Variants in DCC observed in about 807,000 individuals in gnomAD.
DCC encodes DCC netrin 1 receptor, also known as netrin receptor DCC.
DCC carries 58 observed loss-of-function variants against 172.5 expected under a neutral mutation model. The observed-to-expected ratio is 0.34, with a 90% CI of 0.27 to 0.42. DCC has a LOEUF of 0.42. DCC is among the 10% of genes least tolerant of loss of function. The probability of loss-of-function intolerance (pLI) is 1.00; values close to 1 mark genes in which losing one functional copy is unlikely to be tolerated. For synonymous variants in DCC, 709 were observed against 644.5 expected (o/e 1.10, Z -1.52); for missense variants, 1,740 against 1,791.0 (o/e 0.97, Z 0.51).
intron 15 of DCC, among the ~76,000 whole-genome samples, chr18:53,343,319 G>C (rs1470809301): frequency 6.6e-6 from 1 of 151,914 alleles, no homozygotes; most frequent in African/African-American, 2.4e-5. Flanking sequence ...AGCCTTTTGT[G>C]AGATTAAAGA....
chr18:53,331,972 A>G (rs1228683163), intron 14 of DCC, among the ~76,000 whole-genome samples: 1 of 152,198 alleles, frequency 6.6e-6, no homozygotes, highest in African/African-American at 2.4e-5. Context: ...AGGCAAGTGT[A>G]CAAAGGTGCA....
intron 1 of DCC, among the ~76,000 whole-genome samples, chr18:52,524,250 A>G (rs1476077878): frequency 6.6e-6 from 1 of 152,234 alleles, no homozygotes; most frequent in Non-Finnish European, 1.5e-5. Flanking sequence ...CTTCAATAGT[A>G]TGTTTCTCTC....
chr18:53,279,011 A>G (rs10084042), intron 12 of DCC, among the ~76,000 whole-genome samples: 2 of 152,174 alleles, frequency 1.3e-5, no homozygotes, highest in African/African-American at 4.8e-5. Flanking sequence ...TGGTTGAACT[A>G]GTTTACAGTC....
intron 12 of DCC, among the ~76,000 whole-genome samples, chr18:53,223,152 A>T (rs1164155214): frequency 2.0e-5 from 3 of 152,120 alleles, no homozygotes; most frequent in Non-Finnish European, 4.4e-5. Flanking sequence ...ATTTTTATTA[A>T]TGTAAATAGG....
rs9959258 is a variant in DCC, at chr18:52,515,844, A to G, written c.91+174966A>G. On this transcript the variant is annotated intron_variant, in intron 1 of 28. Transcript: ENST00000442544. Reference sequence around the variant, plus strand: ...GACTAGGAGAAAATGTTTTCAAACCACATCTCTGAAAAAGAACTACTATGT... The same window carrying G: ...GACTAGGAGAAAATGTTTTCAAACCGCATCTCTGAAAAAGAACTACTATGT... Among the ~76,000 whole-genome samples the G allele has an allele frequency of 8.3e-3, 1,243 of 150,336 alleles. 24 individuals are homozygous for G. The highest frequency in any genetic ancestry group is 0.029 in the African/African-American group (1,194 of 41,076).
chr18:52,833,153 A>T (rs2038646976), intron 2 of DCC, among the ~76,000 whole-genome samples: 1 of 152,138 alleles, frequency 6.6e-6, no homozygotes, highest in Admixed American at 6.5e-5. Context: ...CATATCTTCC[A>T]CATGCACCTA....
intron 2 of DCC, among the ~76,000 whole-genome samples, chr18:52,771,134 A>G (rs1183930583): frequency 6.6e-6 from 1 of 152,200 alleles, no homozygotes; most frequent in Non-Finnish European, 1.5e-5. Context: ...ACTCAGTGTC[A>G]TCTGAGCAAA....
chr18:52,611,396 C>T (rs1054565994), intron 1 of DCC, among the ~76,000 whole-genome samples: 3 of 152,174 alleles, frequency 2.0e-5, no homozygotes, highest in Non-Finnish European at 2.9e-5. Context: ...TATACACTCT[C>T]ACACATGTTT....
rs374106414 is a variant in DCC, at chr18:52,563,842, G to T, written c.92-188212G>T. On this transcript the variant is annotated intron_variant, in intron 1 of 28. Coordinates refer to ENST00000442544, the MANE Select transcript of DCC (RefSeq NM_005215.4). ...TTAGCACATCTAATTGAAATCTGTT[G>T]TCTGTCATTTGGCCAAAGCCAGGAA... 2.0e-3 allele frequency among the ~76,000 whole-genome samples: 297 copies of T among 152,164 alleles called. 2 individuals are homozygous for T. The highest frequency in any genetic ancestry group is 6.9e-3 in the African/African-American group (288 of 41,524).
At chr18:52,869,589 C>G (rs1241867207) in intron 2 of DCC, among the ~76,000 whole-genome samples, 1 of 152,220 alleles carries the variant, frequency 6.6e-6, no homozygotes, top group Non-Finnish European at 1.5e-5. Flanking sequence ...AGGAGCCTGT[C>G]TGCCTCCTGC....
At chr18:53,477,277 G>A (rs2045776995) in intron 25 of DCC, among the ~76,000 whole-genome samples, 1 of 152,124 alleles carries the variant, frequency 6.6e-6, no homozygotes, top group Non-Finnish European at 1.5e-5. Context: ...CCAAAGTGTT[G>A]GGAGTACAGG....
intron 5 of DCC, among the ~76,000 whole-genome samples, chr18:52,945,730 GC>G (rs1212712538): frequency 2.6e-5 from 4 of 151,936 alleles, no homozygotes; most frequent in East Asian, 3.9e-4. Flanking sequence ...CAGTGCACAA[GC>G]TGACACAGCC....
chr18:52,936,216 T>C (rs2040380647), intron 5 of DCC, among the ~76,000 whole-genome samples: 1 of 57,160 alleles, frequency 1.7e-5, no homozygotes, highest in African/African-American at 5.3e-5. Flanking sequence ...GAAACTCTGG[T>C]TGTCAAAAGG....
intron 24 of DCC, among the ~76,000 whole-genome samples, chr18:53,460,816 A>T (rs2045549116): frequency 6.6e-6 from 1 of 152,190 alleles, no homozygotes; most frequent in South Asian, 2.1e-4. Context: ...TGCCTGGGTC[A>T]AATGGTATTT....
At chr18:53,425,355 C>CTTTTTTTTT (rs1338640000) in intron 21 of DCC, among the ~76,000 whole-genome samples, 7 of 86,552 alleles carry the variant, frequency 8.1e-5, no homozygotes, top group East Asian at 2.9e-4. Context: ...CGTTTCTCCT[C>CTTTTTTTTT]TCTTTTTTTT....
At chr18:52,883,954 A>G (rs1412324585) in intron 2 of DCC, among the ~76,000 whole-genome samples, 2 of 151,354 alleles carry the variant, frequency 1.3e-5, no homozygotes, top group Non-Finnish European at 2.9e-5. Context: ...TCTTGCTTGA[A>G]ATATATTTTC....
At chr18:52,759,094 T>C (rs2037119308) in intron 2 of DCC, 1 of 152,180 alleles carries the variant, frequency 6.6e-6, no homozygotes, top group East Asian at 1.9e-4. Context: ...TATAAGTAAC[T>C]GTTATATGTT....
intron 1 of DCC, among the ~76,000 whole-genome samples, chr18:52,377,906 G>C (rs898384449): frequency 6.6e-6 from 1 of 151,928 alleles, no homozygotes; most frequent in African/African-American, 2.4e-5. Flanking sequence ...TGACATGTTG[G>C]CCAGGCTGGT....
chr18:53,342,480 A>G (rs989827637), intron 15 of DCC, among the ~76,000 whole-genome samples: 1 of 151,662 alleles, frequency 6.6e-6, no homozygotes, highest in Admixed American at 6.6e-5. Flanking sequence ...CAATTTATCT[A>G]TCTTTATATC....
Sources: gnomAD v4.1 joint callset for allele counts (sites outside exome capture counted in the v4.1 genomes callset) on GRCh38, gnomAD v4.1.1 for gene constraint, MANE v1.5 for transcripts, NCBI Gene and HGNC (gene_info 2026-07-23, HGNC 2026-07-21) for gene names.